The following KIAA0586 variants were observed in gnomAD, a reference collection of about 807,000 sequenced individuals.
KIAA0586 encodes the protein KIAA0586.
A neutral mutation model predicts 169.8 loss-of-function variants in KIAA0586; 144 were observed. The ratio of observed to expected loss-of-function variants is 0.85; its 90% CI spans 0.74 to 0.97. The LOEUF is 0.97. Ranked by LOEUF, KIAA0586 falls within the 50% of genes least tolerant of loss-of-function variation. KIAA0586 has a pLI of 0.00. For synonymous variants in KIAA0586, 625 were observed against 612.4 expected (o/e 1.02, Z -0.30); for missense variants, 1,854 against 1,823.0 (o/e 1.02, Z -0.31).
chr14:58,453,533 A>G (rs763710121), intron 9 of KIAA0586, 60 bp downstream of exon 9: 10 of 1,211,988 alleles, frequency 8.3e-6, no homozygotes, highest in Non-Finnish European at 1.1e-5. Flanking sequence ...AGATTTTTCA[A>G]ATTTCTTTGG....
rs780421178 is a variant in KIAA0586 at position 58,461,035 on chromosome 14, A to G, written c.1934A>G (p.Gln645Arg). ...ATACAAGATGAAGATTATATGTTAC[A>G]AGTCTATGGAAAGCCAGTTTATCAG... Reference protein sequence around the residue: ...TVIQDEDYMLQVYGKPVYQGH... With the variant: ...TVIQDEDYMLRVYGKPVYQGH... Residue 645 changes from glutamine (Q) to arginine (R), a missense_variant, in exon 14 of 31, where the codon CAA becomes CGA. By Grantham distance (43) the Gln-to-Arg change is conservative. Coordinates refer to ENST00000652326, the MANE Select transcript of KIAA0586 (RefSeq NM_001329943.3). 5.0e-6 allele frequency: 8 copies of G among 1,612,044 alleles called. No individual in the cohort carries two copies. The highest frequency in any genetic ancestry group is 6.8e-6 in the Non-Finnish European group (8 of 1,179,266).
In KIAA0586 at chr14:58,549,414, G is replaced by A. The variant is rs1254758387; in HGVS notation, c.*1482G>A. On this transcript the variant is annotated 3_prime_UTR_variant, in exon 31 of 31. Coordinates refer to ENST00000652326, the MANE Select transcript of KIAA0586 (RefSeq NM_001329943.3). ...CTGAGAATTACTGAAGAGCAATTTA[G>A]AATTCCTTAAACTTCTAGTAGGAGC... 6.6e-6 allele frequency: 1 copy of A among 151,876 alleles called. No homozygotes were observed. Among genetic ancestry groups the A allele is most frequent in the Non-Finnish European group, 1.5e-5 (1 of 68,004 alleles). 9.4% of individuals were successfully genotyped at this position (151,876 alleles called of 1,614,324 possible). A position where few individuals can be genotyped will look rare whatever the true frequency, so the allele number is the denominator to read the frequency against.
In KIAA0586 at chr14:58,456,794, C is replaced by T. The variant is rs1455331802; in HGVS notation, c.1346C>T (p.Thr449Ile). ...LHDLGQKEKE[T>I]NSMVQPKESL... ...GACCTTGGCCAAAAAGAGAAAGAAA[C>T]AAATAGCATGGTCCAGGTAAAGTGG... is the stretch of plus-strand genomic sequence containing the variant. The change falls in exon 10 of 31, where the codon ACA becomes ATA. Residue 449 changes from threonine to isoleucine, a missense_variant. By Grantham distance (89) the Thr-to-Ile change is moderately conservative (BLOSUM62 -1). Transcript: ENST00000652326. 1.3e-6 allele frequency: 2 copies of T among 1,582,716 alleles called. No individual in the cohort carries two copies. Among genetic ancestry groups the T allele is most frequent in the South Asian group, 2.3e-5 (2 of 87,720 alleles).
downstream of KIAA0586, among the ~76,000 whole-genome samples, chr14:58,555,997 CAT>C (rs2047239265): frequency 6.6e-6 from 1 of 152,192 alleles, no homozygotes; most frequent in Non-Finnish European, 1.5e-5. Flanking sequence ...TTAACTGACA[CAT>C]ATTTTTCATA....
intron 5 of KIAA0586, 56 bp downstream of exon 5, chr14:58,442,936 C>T: frequency 8.1e-7 from 1 of 1,235,148 alleles, no homozygotes; most frequent in South Asian, 1.4e-5. Context: ...GAAGTACTTA[C>T]TAAGAACTGA....
At chr14:58,484,880 A>T (rs2042268578) in intron 21 of KIAA0586, among the ~76,000 whole-genome samples, 1 of 51,814 alleles carries the variant, frequency 1.9e-5, no homozygotes, top group Non-Finnish European at 3.5e-5. Context: ...TATATATATT[A>T]TATATATATT....
At chr14:58,533,008 C>T (rs2046077063) in intron 29 of KIAA0586, among the ~76,000 whole-genome samples, 2 of 152,186 alleles carry the variant, frequency 1.3e-5, no homozygotes, top group Admixed American at 6.5e-5. Flanking sequence ...TGATAAGCCT[C>T]ACAGAGGCTA....
At chr14:58,532,206 A>G (rs949369584) in intron 29 of KIAA0586, among the ~76,000 whole-genome samples, 29 of 152,302 alleles carry the variant, frequency 1.9e-4, no homozygotes, top group African/African-American at 7.0e-4. Flanking sequence ...GGAAAAAAAA[A>G]GTATGCCTGA....
intron 30 of KIAA0586, chr14:58,543,936 A>G: frequency 2.2e-6 from 1 of 455,760 alleles, no homozygotes; most frequent in South Asian, 1.5e-5. Context: ...CGGGCTGTGG[A>G]GGTTTGTCAT....
rs1321286323 is a variant in KIAA0586, at chr14:58,428,216, A to C, written c.-49A>C. 1 of 1,577,338 alleles carries C rather than the reference A, an allele frequency of 6.3e-7. No individual in the cohort carries two copies. Among genetic ancestry groups the C allele is most frequent in the South Asian group, 1.2e-5 (1 of 85,400 alleles). ...TTGTTCTGAAGTCTTAAGGAAACAG[A>C]GAAAGTTTTTCCGTCCTTAAGTGTG... is the stretch of plus-strand genomic sequence containing the variant. On this transcript the variant is annotated 5_prime_UTR_variant, in exon 1 of 31. Transcript: ENST00000652326.
In KIAA0586 at chr14:58,465,939, G is replaced by C; in HGVS notation, c.2164G>C (p.Asp722His). ...TTCTGTTCCTGTGTTACCTCATGGC[G>C]ATCAGCAATATTTGTTCAGCCCAAG... ...KHSVPVLPHG[D>H]QQYLFSPSRE... The change falls in exon 15 of 31, where the codon GAT becomes CAT. Residue 722 changes from aspartate to histidine, a missense_variant. Physicochemically the swap from Asp to His is moderately conservative, Grantham distance 81 (BLOSUM62 -1). Transcript: ENST00000652326. 1 of 1,612,840 alleles carries C rather than the reference G, an allele frequency of 6.2e-7. No homozygotes were observed. Among genetic ancestry groups the C allele is most frequent in the South Asian group, 1.1e-5 (1 of 90,972 alleles).
chr14:58,505,113 AC>A (rs1332164360), intron 27 of KIAA0586, among the ~76,000 whole-genome samples: 1 of 152,166 alleles, frequency 6.6e-6, no homozygotes, highest in Admixed American at 6.5e-5. Flanking sequence ...CTGGCATATA[AC>A]CTTCCTGTTT....
At chr14:58,531,127 C>G (rs985020641) in intron 29 of KIAA0586, among the ~76,000 whole-genome samples, 1 of 150,142 alleles carries the variant, frequency 6.7e-6, no homozygotes, top group Admixed American at 6.6e-5. Flanking sequence ...AGCGTCCTGG[C>G]TAACACAGTG....
chr14:58,442,993 G>C, intron 5 of KIAA0586, 113 bp downstream of exon 5: 1 of 753,198 alleles, frequency 1.3e-6, no homozygotes, highest in Non-Finnish European at 2.1e-6. Flanking sequence ...CATTGTAGTT[G>C]CTCTCAATTT....
intron 29 of KIAA0586, among the ~76,000 whole-genome samples, chr14:58,523,966 A>AT (rs907136792): frequency 1.2e-4 from 18 of 152,090 alleles, no homozygotes; most frequent in African/African-American, 4.1e-4. Flanking sequence ...TTTACTAAAA[A>AT]TTTTTTAGTG....
intron 14 of KIAA0586, chr14:58,464,283 G>A (rs2040564710): frequency 4.5e-6 from 1 of 222,942 alleles, no homozygotes; most frequent in Admixed American, 5.7e-5. Flanking sequence ...ATTATAAAGT[G>A]TGCATTCTTA....
At chr14:58,446,367 C>G (rs2038901634) in intron 6 of KIAA0586, among the ~76,000 whole-genome samples, 1 of 151,530 alleles carries the variant, frequency 6.6e-6, no homozygotes, top group Admixed American at 6.6e-5. Context: ...CATGGTGGCA[C>G]ATGCCTGTAG....
rs1486058290 is a variant in KIAA0586, at chr14:58,448,513, T to C, written c.961+20T>C. 6.5e-7 allele frequency: 1 copy of C among 1,545,674 alleles called. No homozygotes were observed. Among genetic ancestry groups the C allele is most frequent in the East Asian group, 2.3e-5 (1 of 43,786 alleles). ...AACAAGGTAAAAATATGTAGTTCTC[T>C]ATGAATAAAAAATGTCAGCTGTGAA... is the stretch of plus-strand genomic sequence containing the variant. On this transcript the variant is annotated intron_variant, in intron 7 of 30. Coordinates refer to ENST00000652326, the MANE Select transcript of KIAA0586 (RefSeq NM_001329943.3).
intron 29 of KIAA0586, chr14:58,521,184 A>G (rs1316237567): frequency 1.4e-6 from 1 of 714,784 alleles, no homozygotes; most frequent in African/African-American, 1.8e-5. Flanking sequence ...ATCTTCAGCT[A>G]CATTTTTGGC....
Sources: gnomAD v4.1 joint callset for allele counts (sites outside exome capture counted in the v4.1 genomes callset) on GRCh38, gnomAD v4.1.1 for gene constraint, MANE v1.5 for transcripts, NCBI Gene and HGNC (gene_info 2026-07-23, HGNC 2026-07-21) for gene names.